EFCAB6: variants seen among roughly 807,000 people sequenced by gnomAD.
EFCAB6 encodes the protein EF-hand calcium binding domain 6.
In EFCAB6, 156 loss-of-function variants were observed where a neutral mutation model predicts 169.8. The ratio of observed to expected loss-of-function variants is 0.92; its 90% confidence interval spans 0.81 to 1.05. The LOEUF is 1.05. EFCAB6 is among the 50% of genes least tolerant of loss of function. The probability of loss-of-function intolerance (pLI) is 0.00; values close to 1 mark genes in which losing one functional copy is unlikely to be tolerated. For synonymous variants in EFCAB6, 698 were observed against 676.4 expected, an observed-to-expected ratio of 1.03 and a Z score of -0.50; for missense variants, 1,800 against 1,829.1, an observed-to-expected ratio of 0.98 and a Z score of 0.29.
chr22:43,801,379 AC>A (rs1283880883), intron 2 of EFCAB6, among the ~76,000 whole-genome samples: 4 of 152,228 alleles, frequency 2.6e-5, no homozygotes, highest in Admixed American at 2.0e-4. Flanking sequence ...CAGAAAAAAA[AC>A]AAAAGATATA....
At chr22:43,595,973 A>T (rs1209684747) in intron 23 of EFCAB6, among the ~76,000 whole-genome samples, 1 of 152,236 alleles carries the variant, frequency 6.6e-6, no homozygotes, top group Non-Finnish European at 1.5e-5. Flanking sequence ...GATACATCAC[A>T]TCAACAGAAT....
At chr22:43,792,918 A>G (rs2062359500) in intron 2 of EFCAB6, among the ~76,000 whole-genome samples, 1 of 152,218 alleles carries the variant, frequency 6.6e-6, no homozygotes, top group Non-Finnish European at 1.5e-5. Flanking sequence ...AGTCTCACGC[A>G]TTACCCGGCT....
chr22:43,638,114 C>T (rs760196954), intron 17 of EFCAB6, among the ~76,000 whole-genome samples: 71 of 152,166 alleles, frequency 4.7e-4, no homozygotes, highest in Non-Finnish European at 8.8e-4. Flanking sequence ...CTGCAAGTGC[C>T]ATTCCCAGAA....
At chr22:43,651,152 C>T (rs1331761877) in intron 17 of EFCAB6, among the ~76,000 whole-genome samples, 1 of 152,218 alleles carries the variant, frequency 6.6e-6, no homozygotes, top group African/African-American at 2.4e-5. Flanking sequence ...CAGAGGTCTT[C>T]ACAGCAGCCC....
At chr22:43,591,771 G>A (rs1316580765) in intron 23 of EFCAB6, among the ~76,000 whole-genome samples, 11 of 152,160 alleles carry the variant, frequency 7.2e-5, no homozygotes, top group African/African-American at 2.4e-4. Flanking sequence ...GTGATTCAGA[G>A]ACACTGAATT....
At chr22:43,630,012 T>C (rs1190196589) in intron 19 of EFCAB6, among the ~76,000 whole-genome samples, 4 of 152,156 alleles carry the variant, frequency 2.6e-5, no homozygotes, top group Admixed American at 1.3e-4. Flanking sequence ...CTAAAAGATA[T>C]ATGAGGCCAG....
intron 10 of EFCAB6, among the ~76,000 whole-genome samples, chr22:43,696,238 T>C (rs2147226761): frequency 6.6e-6 from 1 of 151,854 alleles, no homozygotes; most frequent in Non-Finnish European, 1.5e-5. Flanking sequence ...AAAATGCAAA[T>C]TTAAAACAGA....
chr22:43,809,304 G>A (rs1312143864), intron 1 of EFCAB6, among the ~76,000 whole-genome samples, 173 bp from the exon 2 acceptor site: 3 of 152,054 alleles, frequency 2.0e-5, no homozygotes, highest in African/African-American at 4.8e-5. Flanking sequence ...TTTATTAACC[G>A]TTATAGATGA....
intron 3 of EFCAB6, among the ~76,000 whole-genome samples, chr22:43,781,502 T>C (rs553506302): frequency 1.3e-5 from 2 of 152,224 alleles, no homozygotes; most frequent in African/African-American, 4.8e-5. Flanking sequence ...TTTTTGTATT[T>C]ATTTCTTGTA....
chr22:43,800,575 A>G (rs1425811536), intron 2 of EFCAB6, among the ~76,000 whole-genome samples: 1 of 152,228 alleles, frequency 6.6e-6, no homozygotes, highest in Non-Finnish European at 1.5e-5. Context: ...GTGATTTCCA[A>G]GATAACACAG....
intron 15 of EFCAB6, among the ~76,000 whole-genome samples, chr22:43,669,527 A>G (rs1028981765): frequency 2.0e-5 from 3 of 152,254 alleles, no homozygotes; most frequent in Non-Finnish European, 2.9e-5. Flanking sequence ...AAAGTAATCT[A>G]TCATGAAAGA....
intron 24 of EFCAB6, among the ~76,000 whole-genome samples, chr22:43,588,749 G>A (rs1184858276): frequency 6.6e-6 from 1 of 152,042 alleles, no homozygotes; most frequent in East Asian, 1.9e-4. Context: ...TCGATGGATT[G>A]GAAAGAGATT....
intron 27 of EFCAB6, among the ~76,000 whole-genome samples, chr22:43,549,206 A>G (rs558329433): frequency 1.1e-4 from 16 of 152,300 alleles, no homozygotes; most frequent in Admixed American, 2.0e-4. Flanking sequence ...AACTTAAACT[A>G]AAGCGGAAGG....
At chr22:43,590,654 C>T (rs146891124) in intron 23 of EFCAB6, among the ~76,000 whole-genome samples, 50 of 151,680 alleles carry the variant, frequency 3.3e-4, no homozygotes, top group Middle Eastern at 3.4e-3. Flanking sequence ...AAGAGGCATC[C>T]CTAGAAGGAT....
rs149110971 is a variant in EFCAB6, at chr22:43,541,945, A to T, written c.3649-1588T>A. Among the ~76,000 whole-genome samples the T allele has an allele frequency of 5.3e-4, 80 of 152,378 alleles. 1 individual carries two copies. In the East Asian group the frequency reaches 0.013, roughly 26 times the overall value. ...TGGCTGAAGTTCCTAAGAGACTCAC[A>T]TGGTCAGACTGGTCAGACCCAGGGG... On this transcript the variant is annotated intron_variant, in intron 27 of 31. Transcript: ENST00000262726.
intron 19 of EFCAB6, 61 bp from the exon 20 acceptor site, chr22:43,626,740 A>T: frequency 2.0e-6 from 3 of 1,517,326 alleles, no homozygotes; most frequent in Non-Finnish European, 1.8e-6. Context: ...CCACACATGC[A>T]CACCCCCACG....
chr22:43,582,873 A>G (rs1260155785), intron 24 of EFCAB6, among the ~76,000 whole-genome samples: 1 of 152,170 alleles, frequency 6.6e-6, no homozygotes, highest in Non-Finnish European at 1.5e-5. Context: ...CCCAACCTTA[A>G]TGTCCCTGGA....
At chr22:43,783,962 A>G (rs2061919451) in intron 2 of EFCAB6, among the ~76,000 whole-genome samples, 1 of 152,120 alleles carries the variant, frequency 6.6e-6, no homozygotes. Context: ...CTCAGCCACC[A>G]GGAGGCTGAG....
chr22:43,615,298 T>G (rs762090687), intron 21 of EFCAB6, among the ~76,000 whole-genome samples: 3 of 152,248 alleles, frequency 2.0e-5, no homozygotes, highest in Admixed American at 6.5e-5. Flanking sequence ...TCATTGGCCC[T>G]GCTGGATTAG....
Sources: allele counts gnomAD v4.1 joint callset (sites outside exome capture counted in the v4.1 genomes callset), GRCh38; gene constraint gnomAD v4.1.1; transcripts MANE v1.5; gene names NCBI Gene and HGNC (gene_info 2026-07-23, HGNC 2026-07-21).